LRRC4C: variants seen among roughly 807,000 people sequenced by gnomAD.
The protein encoded by LRRC4C is leucine-rich repeat-containing protein 4C.
LRRC4C carries 5 observed loss-of-function variants against 33.6 expected under a neutral mutation model. That is an observed-to-expected ratio of 0.15 (90% CI 0.08 to 0.31). The LOEUF is 0.31. Among genes scored for constraint, LRRC4C ranks in the 10% least tolerant of loss-of-function variants. The pLI, the probability that LRRC4C is intolerant of heterozygous loss-of-function variation, is 1.00. For synonymous variants in LRRC4C, 329 were observed against 302.0 expected (o/e 1.09, Z -0.93); for missense variants, 560 against 796.7 (o/e 0.70, Z 3.58).
In LRRC4C at chr11:40,737,338, C is replaced by T. The variant is rs147729768; in HGVS notation, c.-406-89060G>A. On this transcript the variant is annotated intron_variant, in intron 2 of 6. Transcript: ENST00000528697. ...ACAAGGATGCCCTCTCTCACCACTC[C>T]TATTCAATATAGTATTAGAAGTTCT... Among the ~76,000 whole-genome samples the T allele has an allele frequency of 9.1e-3, 1,390 of 152,154 alleles. 23 individuals carry two copies. Among genetic ancestry groups the T allele is most frequent in the African/African-American group, 0.032 (1,318 of 41,494 alleles).
intron 3 of LRRC4C, among the ~76,000 whole-genome samples, chr11:40,389,441 A>G (rs567127677): frequency 4.0e-4 from 60 of 150,246 alleles, no homozygotes; most frequent in Non-Finnish European, 7.5e-4. Flanking sequence ...TACGTATCCA[A>G]TGCTTCTAAA....
chr11:40,686,040 C>T (rs1426337846), intron 2 of LRRC4C, among the ~76,000 whole-genome samples: 1 of 151,792 alleles, frequency 6.6e-6, no homozygotes. Context: ...TCTATGGCCC[C>T]ACAGCACTTT....
intron 6 of LRRC4C, among the ~76,000 whole-genome samples, chr11:40,116,574 G>T (rs937051911): frequency 6.6e-6 from 1 of 152,068 alleles, no homozygotes; most frequent in African/African-American, 2.4e-5. Context: ...GGTCAATGAG[G>T]TAGAGGACAC....
At chr11:41,449,099 A>G (rs1159969482) in intron 1 of LRRC4C, among the ~76,000 whole-genome samples, 3 of 152,208 alleles carry the variant, frequency 2.0e-5, no homozygotes, top group African/African-American at 7.2e-5. Flanking sequence ...TAGGGTAGCC[A>G]ATATTGCAAG....
chr11:40,444,344 T>G (rs1951530487), intron 3 of LRRC4C, among the ~76,000 whole-genome samples: 1 of 150,286 alleles, frequency 6.7e-6, no homozygotes, highest in African/African-American at 2.4e-5. Flanking sequence ...TTATTTATTT[T>G]ATTTTTTATT....
Position 40,574,917 on chromosome 11 carries a change from C to T in LRRC4C, c.-270+73225G>A, listed in dbSNP as rs138796706. Among the ~76,000 whole-genome samples, 7 of 152,278 alleles carry T rather than the reference C, an allele frequency of 4.6e-5. No individual in the cohort carries two copies. In the East Asian group the frequency reaches 1.4e-3, roughly 29 times the overall value. ...CCTACACACTCTAGAAGGTTGCACG[C>T]CATCTCCAGAGTCCCTGATAGCCAG... On this transcript the variant is annotated intron_variant, in intron 3 of 6. Transcript: ENST00000528697.
At chr11:40,457,621 T>C (rs1952198951) in intron 3 of LRRC4C, among the ~76,000 whole-genome samples, 1 of 150,996 alleles carries the variant, frequency 6.6e-6, no homozygotes. Context: ...AGAGTTAAAT[T>C]CAGTCCTTTA....
At chr11:40,399,067 A>G (rs1308623405) in intron 3 of LRRC4C, among the ~76,000 whole-genome samples, 1 of 152,162 alleles carries the variant, frequency 6.6e-6, no homozygotes, top group Non-Finnish European at 1.5e-5. Context: ...AATTAGAATC[A>G]TACACTTAGA....
At chr11:41,377,402 T>G (rs1307985413) in intron 1 of LRRC4C, among the ~76,000 whole-genome samples, 1 of 152,160 alleles carries the variant, frequency 6.6e-6, no homozygotes, top group Non-Finnish European at 1.5e-5. Context: ...ATAAGCAGCC[T>G]GGGCTAGAGA....
At chr11:40,636,810 G>A (rs557891668) in intron 3 of LRRC4C, among the ~76,000 whole-genome samples, 1 of 152,224 alleles carries the variant, frequency 6.6e-6, no homozygotes, top group East Asian at 1.9e-4. Flanking sequence ...GGGAATCTCA[G>A]TCCCATCTCA....
At chr11:40,326,814 T>A (rs1049417900) in intron 3 of LRRC4C, among the ~76,000 whole-genome samples, 1 of 152,116 alleles carries the variant, frequency 6.6e-6, no homozygotes, top group Non-Finnish European at 1.5e-5. Context: ...GAGAGAGCAA[T>A]TGATCTGAGT....
chr11:40,889,804 G>A (rs1955621534), intron 2 of LRRC4C, among the ~76,000 whole-genome samples: 1 of 152,186 alleles, frequency 6.6e-6, no homozygotes, highest in Non-Finnish European at 1.5e-5. Flanking sequence ...CTGAATCCCA[G>A]AAAACTCGCT....
chr11:40,795,156 A>G (rs1191845246), intron 2 of LRRC4C, among the ~76,000 whole-genome samples: 1 of 152,186 alleles, frequency 6.6e-6, no homozygotes, highest in African/African-American at 2.4e-5. Flanking sequence ...AGAACACTAT[A>G]CCAGGTAATA....
chr11:41,313,242 A>G (rs915309554), intron 1 of LRRC4C, among the ~76,000 whole-genome samples: 5 of 152,190 alleles, frequency 3.3e-5, no homozygotes, highest in African/African-American at 1.2e-4. Context: ...TCAACATGTC[A>G]AGGCTGTTTC....
intron 1 of LRRC4C, among the ~76,000 whole-genome samples, chr11:41,219,629 T>A (rs1590969966): frequency 1.3e-5 from 2 of 152,228 alleles, no homozygotes; most frequent in South Asian, 4.1e-4. Context: ...AGCAGGACCA[T>A]CACACACTGT....
chr11:41,432,115 G>A (rs1477782346), intron 1 of LRRC4C, among the ~76,000 whole-genome samples: 3 of 152,016 alleles, frequency 2.0e-5, no homozygotes, highest in Admixed American at 1.3e-4. Context: ...AATTTGAGAC[G>A]AAAACAAAGG....
chr11:41,199,575 TTAGA>T (rs1456792998), intron 1 of LRRC4C, among the ~76,000 whole-genome samples: 6 of 152,116 alleles, frequency 3.9e-5, no homozygotes, highest in Non-Finnish European at 5.9e-5. Context: ...TGTAGACTTC[TTAGA>T]TAGGTGTGTC....
At chr11:40,557,544 A>G (rs1414529878) in intron 3 of LRRC4C, among the ~76,000 whole-genome samples, 1 of 152,192 alleles carries the variant, frequency 6.6e-6, no homozygotes, top group East Asian at 1.9e-4. Flanking sequence ...ATACCAGGTT[A>G]CATTGTTATT....
intron 6 of LRRC4C, among the ~76,000 whole-genome samples, chr11:40,138,660 AG>A (rs1024866006): frequency 6.6e-6 from 1 of 152,230 alleles, no homozygotes; most frequent in African/African-American, 2.4e-5. Flanking sequence ...TGAATTTTGT[AG>A]GGTTAACTAG....
Sources: gnomAD v4.1 joint callset for allele counts (sites outside exome capture counted in the v4.1 genomes callset) on GRCh38, gnomAD v4.1.1 for gene constraint, MANE v1.5 for transcripts, NCBI Gene and HGNC (gene_info 2026-07-23, HGNC 2026-07-21) for gene names.